Variants in NECAB1 observed in about 807,000 individuals in gnomAD.
The protein encoded by NECAB1 is N-terminal EF-hand calcium binding protein 1.
A neutral mutation model predicts 57.5 loss-of-function variants in NECAB1; 29 were observed. That is an observed-to-expected ratio of 0.50 (90% confidence interval 0.38 to 0.69). NECAB1 has a LOEUF of 0.69. Ranked by LOEUF, NECAB1 falls within the 30% of genes least tolerant of loss-of-function variation. The pLI, the probability that NECAB1 is intolerant of heterozygous loss-of-function variation, is 0.00. For synonymous variants in NECAB1, 142 were observed against 147.7 expected (o/e 0.96, Z 0.28); for missense variants, 372 against 413.8 (o/e 0.90, Z 0.88).
chr8:90,877,536 C>T (rs1172076387), intron 4 of NECAB1, among the ~76,000 whole-genome samples: 1 of 152,116 alleles, frequency 6.6e-6, no homozygotes, highest in Non-Finnish European at 1.5e-5. Context: ...GTTTCTCAAA[C>T]TTAAATAAGC....
intron 5 of NECAB1, among the ~76,000 whole-genome samples, chr8:90,898,162 G>A (rs1809406630): frequency 6.6e-6 from 1 of 151,986 alleles, no homozygotes; most frequent in South Asian, 2.1e-4. Flanking sequence ...TCACTATCAG[G>A]CTGCATTTTG....
intron 3 of NECAB1, among the ~76,000 whole-genome samples, chr8:90,863,294 A>C (rs1221658870): frequency 1.3e-5 from 2 of 152,160 alleles, no homozygotes; most frequent in African/African-American, 4.8e-5. Flanking sequence ...ACTAGTAGAA[A>C]GATCAAGCAT....
intron 4 of NECAB1, among the ~76,000 whole-genome samples, chr8:90,878,692 G>A (rs1369351515): frequency 6.6e-6 from 1 of 151,878 alleles, no homozygotes; most frequent in Non-Finnish European, 1.5e-5. Context: ...TGAATAAATG[G>A]ATGAATGAAG....
chr8:90,837,608 T>C (rs1339103689), intron 3 of NECAB1, among the ~76,000 whole-genome samples: 4 of 152,246 alleles, frequency 2.6e-5, no homozygotes, highest in African/African-American at 9.6e-5. Flanking sequence ...TGAAAAATGA[T>C]TGATCAGGGT....
intron 9 of NECAB1, among the ~76,000 whole-genome samples, chr8:90,936,158 G>A (rs1563541592): frequency 6.6e-6 from 1 of 152,020 alleles, no homozygotes. Context: ...CATAGCTAGT[G>A]CTCTAGTGCT....
At chr8:90,870,288 C>A (rs985308963) in intron 3 of NECAB1, among the ~76,000 whole-genome samples, 2 of 152,166 alleles carry the variant, frequency 1.3e-5, no homozygotes, top group Non-Finnish European at 2.9e-5. Context: ...CCAACCTCAA[C>A]CCATCTGTCA....
intron 9 of NECAB1, 29 bp downstream of exon 9, chr8:90,934,386 A>G (rs751712037): frequency 3.5e-5 from 46 of 1,326,182 alleles, no homozygotes; most frequent in Non-Finnish European, 4.6e-5. Flanking sequence ...TAAAAATGTT[A>G]GAAATATATT....
At chr8:90,945,736 C>T (rs1263731643) in intron 10 of NECAB1, among the ~76,000 whole-genome samples, 2 of 152,168 alleles carry the variant, frequency 1.3e-5, no homozygotes, top group African/African-American at 2.4e-5. Context: ...ACATCCATTT[C>T]CCCCAGAAGC....
chr8:90,859,657 C>G (rs973496601), intron 3 of NECAB1, among the ~76,000 whole-genome samples: 2 of 151,984 alleles, frequency 1.3e-5, no homozygotes, highest in Non-Finnish European at 1.5e-5. Flanking sequence ...TCAGGTAAGA[C>G]AAATGTAAGT....
chr8:90,934,721 T>G (rs1038126075), intron 9 of NECAB1, among the ~76,000 whole-genome samples: 3 of 152,162 alleles, frequency 2.0e-5, no homozygotes, highest in African/African-American at 7.2e-5. Context: ...AGCGGAAACC[T>G]GGTTCTGTTC....
intron 9 of NECAB1, among the ~76,000 whole-genome samples, chr8:90,936,569 A>T (rs1444576361): frequency 6.6e-6 from 1 of 152,144 alleles, no homozygotes; most frequent in Non-Finnish European, 1.5e-5. Flanking sequence ...TTTCAGCCTA[A>T]GTGTTTAGTG....
At chr8:90,910,663 G>A (rs999810628) in intron 5 of NECAB1, among the ~76,000 whole-genome samples, 9 of 152,110 alleles carry the variant, frequency 5.9e-5, no homozygotes, top group South Asian at 2.1e-4. Context: ...TGGAGTGACC[G>A]ATTTTAAGAG....
At chr8:90,927,615 A>ACC (rs977481170) in intron 7 of NECAB1, among the ~76,000 whole-genome samples, 3 of 147,908 alleles carry the variant, frequency 2.0e-5, no homozygotes, top group African/African-American at 7.7e-5. Flanking sequence ...CTAGATACAC[A>ACC]CACACACACA....
chr8:90,877,208 G>A (rs1209947648), intron 4 of NECAB1, among the ~76,000 whole-genome samples: 2 of 152,184 alleles, frequency 1.3e-5, no homozygotes, highest in Non-Finnish European at 2.9e-5. Flanking sequence ...GGACTCCACC[G>A]CTCATTCCAC....
At chr8:90,881,301 A>T (rs1394142806) in intron 5 of NECAB1, among the ~76,000 whole-genome samples, 171 bp downstream of exon 5, 4 of 152,258 alleles carry the variant, frequency 2.6e-5, no homozygotes, top group Non-Finnish European at 5.9e-5. Flanking sequence ...TAAACACTAT[A>T]TGCTAAAGAC....
chr8:90,884,121 A>C (rs1304778455), intron 5 of NECAB1, among the ~76,000 whole-genome samples: 2 of 152,182 alleles, frequency 1.3e-5, no homozygotes, highest in African/African-American at 2.4e-5. Context: ...TCCAAAATTA[A>C]AATGTATATA....
In NECAB1 at chr8:90,824,801, A is replaced by G. The variant is rs1812196995; in HGVS notation, c.209A>G (p.His70Arg). The G allele has an allele frequency of 1.3e-6, 2 of 1,543,624 alleles. No individual in the cohort carries two copies. Among genetic ancestry groups the G allele is most frequent in the Non-Finnish European group, 1.8e-6 (2 of 1,139,620 alleles). ...GGAGAAGAATTACACGAGCTTTTCCATACCATTGATACACATAATACTAAG... is the reference window on the plus strand; with the variant it reads ...GGAGAAGAATTACACGAGCTTTTCCGTACCATTGATACACATAATACTAAG... ...LSGEELHELF[H>R]TIDTHNTNNL... The change falls in exon 3 of 13, where the codon CAT becomes CGT. Residue 70 changes from histidine to arginine, a missense_variant. His to Arg is a conservative substitution (Grantham distance 29). Transcript: ENST00000417640.
At chr8:90,798,732 C>T (rs1488540816) in intron 1 of NECAB1, among the ~76,000 whole-genome samples, 1 of 152,144 alleles carries the variant, frequency 6.6e-6, no homozygotes, top group Non-Finnish European at 1.5e-5. Context: ...AGTATTTTTG[C>T]TATTGTGAAT....
rs1811035737 is a variant in NECAB1, at chr8:90,956,555, A to G, written c.*1043A>G. The G allele has an allele frequency of 1.3e-5, 2 of 151,926 alleles. No homozygotes were observed. Among genetic ancestry groups the G allele is most frequent in the African/African-American group, 4.8e-5 (2 of 41,408 alleles). The allele number at this position is 151,926 out of a possible 1,614,324, so 9.4% of individuals were successfully genotyped here. ...TATCTACACTCTGCTCAACAAGCTC[A>G]GAAATTAAATATTTTTAATAATAAA... On this transcript the variant is annotated 3_prime_UTR_variant, in exon 13 of 13. Coordinates refer to ENST00000417640, the MANE Select transcript of NECAB1 (RefSeq NM_022351.5).
Sources: gnomAD v4.1 joint callset for allele counts (sites outside exome capture counted in the v4.1 genomes callset) on GRCh38, gnomAD v4.1.1 for gene constraint, MANE v1.5 for transcripts, NCBI Gene and HGNC (gene_info 2026-07-23, HGNC 2026-07-21) for gene names.